Variants in ITGAE observed in about 807,000 individuals in gnomAD.
ITGAE encodes the protein integrin subunit alpha E.
ITGAE carries 99 observed loss-of-function variants against 136.5 expected under a neutral mutation model. The observed-to-expected ratio is 0.73, with a 90% CI of 0.62 to 0.86. The LOEUF is 0.86. Among genes scored for constraint, ITGAE ranks in the 40% least tolerant of loss-of-function variants. ITGAE has a pLI of 0.00. For synonymous variants in ITGAE, 613 were observed against 591.8 expected (o/e 1.04, Z -0.52); for missense variants, 1,447 against 1,515.3 (o/e 0.95, Z 0.75).
chr17:3,779,695 A>G (rs2052620052), intron 1 of ITGAE, among the ~76,000 whole-genome samples: 1 of 152,234 alleles, frequency 6.6e-6, no homozygotes, highest in African/African-American at 2.4e-5. Context: ...GATATACGTG[A>G]TAAAAGAAAC....
chr17:3,722,992 T>G (rs2065492591), intron 28 of ITGAE, among the ~76,000 whole-genome samples: 1 of 151,878 alleles, frequency 6.6e-6, no homozygotes, highest in African/African-American at 2.4e-5. Context: ...TGGAGAGAAG[T>G]GAATGGGTTT....
chr17:3,741,070 A>ATTTT lies in ITGAE; in HGVS notation c.2449-1196_2449-1193dup, dbSNP rs58434003. ...AGTTTCATGCAGGGTTTTTTGTTGTATTTTTTTTTTTTTTTTTTTTTTTTT... is the reference window on the plus strand; with the variant it reads ...AGTTTCATGCAGGGTTTTTTGTTGTATTTTTTTTTTTTTTTTTTTTTTTTTTTTT... On this transcript the variant is annotated intron_variant, in intron 19 of 30. Transcript: ENST00000263087. Among the ~76,000 whole-genome samples, 112 of 76,782 alleles carry ATTTT rather than the reference A, an allele frequency of 1.5e-3. 3 individuals carry two copies. The highest frequency in any genetic ancestry group is 1.7e-3 in the Non-Finnish European group (75 of 43,256). The allele number at this position is 76,782 out of a possible 152,430, so 50.4% of individuals were successfully genotyped here.
chr17:3,731,467 A>G (rs960256195), intron 22 of ITGAE, among the ~76,000 whole-genome samples: 3 of 150,258 alleles, frequency 2.0e-5, no homozygotes, highest in African/African-American at 4.9e-5. Flanking sequence ...TCAGCCTCCC[A>G]AGTAGCTGGG....
intron 20 of ITGAE, among the ~76,000 whole-genome samples, chr17:3,735,571 C>A (rs1465662816): frequency 7.2e-5 from 11 of 152,004 alleles, no homozygotes; most frequent in Non-Finnish European, 1.6e-4. Context: ...TGGCCTCCCA[C>A]AGTGCTGGGA....
chr17:3,785,182 A>C (rs539724189), intron 1 of ITGAE, among the ~76,000 whole-genome samples: 1 of 151,620 alleles, frequency 6.6e-6, no homozygotes, highest in African/African-American at 2.4e-5. Flanking sequence ...AAGGGAAGAA[A>C]AGATGGCCGG....
chr17:3,721,313 T>C (rs11649941), intron 28 of ITGAE, among the ~76,000 whole-genome samples: 98,924 of 133,656 alleles, frequency 0.74, 37,722 homozygotes, highest in African/African-American at 0.94. Flanking sequence ...ACTCTGTTAC[T>C]CGGGCCGGAA....
At position 3,761,059 on chromosome 17, in the gene ITGAE, C is replaced by T. The variant is rs772737677; in HGVS notation, c.552G>A (p.Glu184=). Residue 184 remains glutamate, a synonymous_variant, in exon 6 of 31, where the codon GAG becomes GAA. Transcript: ENST00000263087. ...CTTCCTCCTCCTCCTTGTCTTCCTCCTCCTCCTTCTCCAGAGCCCGGCGCT... is the reference window on the plus strand; with the variant it reads ...CTTCCTCCTCCTCCTTGTCTTCCTCTTCCTCCTTCTCCAGAGCCCGGCGCT... ...ARQRRALEKE[E]EEDKEEEEDE... The T allele has an allele frequency of 1.2e-5, 20 of 1,609,296 alleles. No individual in the cohort carries two copies. Among genetic ancestry groups the T allele is most frequent in the Non-Finnish European group, 1.5e-5 (18 of 1,179,968 alleles).
intron 12 of ITGAE, among the ~76,000 whole-genome samples, chr17:3,754,350 C>G (rs1334840432): frequency 6.6e-6 from 1 of 152,182 alleles, no homozygotes; most frequent in Admixed American, 6.5e-5. Flanking sequence ...TGGCTCATTG[C>G]AACCTCCCCC....
intron 1 of ITGAE, 35 bp from the exon 2 acceptor site, chr17:3,777,695 C>G: frequency 6.3e-7 from 1 of 1,575,808 alleles, no homozygotes; most frequent in Non-Finnish European, 8.6e-7. Flanking sequence ...ATGAAAGAGG[C>G]CTTTTACTCC....
intron 1 of ITGAE, among the ~76,000 whole-genome samples, chr17:3,790,437 G>A (rs143322152): frequency 0.067 from 10,209 of 151,874 alleles, 415 homozygotes; most frequent in Non-Finnish European, 0.1. Flanking sequence ...AACCTGGGAG[G>A]CGGAGGTTGC....
At chr17:3,728,227 A>G (rs2051260121) in intron 24 of ITGAE, 59 bp from the exon 25 acceptor site, 2 of 1,319,726 alleles carry the variant, frequency 1.5e-6, no homozygotes, top group Non-Finnish European at 2.2e-6. Context: ...TTTTGGAGAC[A>G]GGGTCTCACT....
chr17:3,750,243 A>G, intron 16 of ITGAE, 109 bp downstream of exon 16: 2 of 1,464,330 alleles, frequency 1.4e-6, no homozygotes, highest in Non-Finnish European at 1.8e-6. Context: ...GCCCACAACC[A>G]CGGTGCTGGC....
At position 3,761,114 on chromosome 17, in the gene ITGAE, C is replaced by CCG; in HGVS notation, c.495_496dup (p.Gly166AlafsTer7). 1 of 1,613,238 alleles carries CCG rather than the reference C, an allele frequency of 6.2e-7. No individual in the cohort carries two copies. Among genetic ancestry groups the CCG allele is most frequent in the Non-Finnish European group, 8.5e-7 (1 of 1,180,028 alleles). The stretch of plus-strand genomic sequence containing the variant: ...GGCTGTGTTCACATCGTCTTCTCCA[C>CCG]CGCCTTCTTTGTTGCTGTAGCAGTC... On this transcript the variant is annotated frameshift_variant, in exon 6 of 31. Coordinates refer to ENST00000263087, the MANE Select transcript of ITGAE (RefSeq NM_002208.5). LOFTEE classifies it high-confidence loss of function.
At chr17:3,757,379 C>A (rs748366687) in intron 9 of ITGAE, among the ~76,000 whole-genome samples, 10 of 152,174 alleles carry the variant, frequency 6.6e-5, no homozygotes, top group Non-Finnish European at 1.0e-4. Flanking sequence ...TTCCCTCTGC[C>A]TGCAGGGCCC....
At chr17:3,722,758 T>C (rs2051083308) in intron 28 of ITGAE, among the ~76,000 whole-genome samples, 2 of 152,200 alleles carry the variant, frequency 1.3e-5, no homozygotes, top group South Asian at 2.1e-4. Context: ...GAAAAAAGTA[T>C]GGATTTTAGT....
At chr17:3,733,513 C>T (rs1027594601) in intron 21 of ITGAE, among the ~76,000 whole-genome samples, 1 of 152,154 alleles carries the variant, frequency 6.6e-6, no homozygotes, top group Non-Finnish European at 1.5e-5. Flanking sequence ...TCTCCACCTC[C>T]GGGTTCAAGT....
rs151134975 is a variant in ITGAE at position 3,782,340 on chromosome 17, A to AGTGTGT, written c.35-4686_35-4681dup. The stretch of plus-strand genomic sequence containing the variant: ...ATGCCACTCCATTGCTTAAATCTCT[A>AGTGTGT]GTGTGTGTGTGTGTGTGTGTGTGTG... On this transcript the variant is annotated intron_variant, in intron 1 of 30. Coordinates refer to ENST00000263087, the MANE Select transcript of ITGAE (RefSeq NM_002208.5). Among the ~76,000 whole-genome samples, 840 of 109,598 alleles carry AGTGTGT rather than the reference A, an allele frequency of 7.7e-3. 9 individuals carry two copies. The highest frequency in any genetic ancestry group is 0.028 in the East Asian group (83 of 2,930). The allele number at this position is 109,598 out of a possible 152,430, so 71.9% of individuals were successfully genotyped here.
chr17:3,783,605 T>C lies in ITGAE; in HGVS notation c.35-5945A>G, dbSNP rs554550435. Among the ~76,000 whole-genome samples, 5 of 152,370 alleles carry C rather than the reference T, an allele frequency of 3.3e-5. No homozygotes were observed. In the South Asian group the frequency reaches 8.3e-4, roughly 25 times the overall value. On this transcript the variant is annotated intron_variant, in intron 1 of 30. Coordinates refer to ENST00000263087, the MANE Select transcript of ITGAE (RefSeq NM_002208.5). The stretch of plus-strand genomic sequence containing the variant: ...ACATTTTCCTAACAGTAAAAGTCAT[T>C]TGAGTATCTTTGGTTGGCTGGAATG...
intron 1 of ITGAE, among the ~76,000 whole-genome samples, chr17:3,794,377 C>T (rs192340377): frequency 1.1e-4 from 16 of 152,242 alleles, no homozygotes; most frequent in Non-Finnish European, 2.4e-4. Flanking sequence ...GTCTTGGCCT[C>T]CCTAAGTGCT....
Sources: allele counts gnomAD v4.1 joint callset (sites outside exome capture counted in the v4.1 genomes callset), GRCh38; gene constraint gnomAD v4.1.1; transcripts MANE v1.5; gene names NCBI Gene and HGNC (gene_info 2026-07-23, HGNC 2026-07-21).